TSC22D2: variants seen among roughly 807,000 people sequenced by gnomAD.
TSC22D2 encodes the protein TSC22 domain family protein 2.
A neutral mutation model predicts 50.1 loss-of-function variants in TSC22D2; 5 were observed. That is an observed-to-expected ratio of 0.10 (90% CI 0.05 to 0.21). The LOEUF (loss-of-function observed/expected upper bound fraction) is 0.21. TSC22D2 is among the 10% of genes least tolerant of loss of function. The pLI is 1.00. For missense variants in TSC22D2, 1,003 were observed against 1,015.5 expected, an observed-to-expected ratio of 0.99 and a Z score of 0.17; for synonymous variants, 501 against 450.1, an observed-to-expected ratio of 1.11 and a Z score of -1.43.
intron 1 of TSC22D2, among the ~76,000 whole-genome samples, chr3:150,435,194 T>C (rs949405192): frequency 6.6e-6 from 1 of 151,940 alleles, no homozygotes; most frequent in African/African-American, 2.4e-5. Flanking sequence ...GGTCAGGCTG[T>C]TCTTGAACTC....
chr3:150,420,564 A>G (rs765800839), intron 1 of TSC22D2, among the ~76,000 whole-genome samples: 1 of 152,236 alleles, frequency 6.6e-6, no homozygotes, highest in Non-Finnish European at 1.5e-5. Flanking sequence ...GTCCATTTAT[A>G]CAGTATTTTA....
At chr3:150,412,191 G>GT (rs1345461943) in intron 1 of TSC22D2, among the ~76,000 whole-genome samples, 27 of 152,200 alleles carry the variant, frequency 1.8e-4, no homozygotes, top group Admixed American at 1.6e-3. Flanking sequence ...GATTTTTGTG[G>GT]TTTTGAGGAG....
At chr3:150,420,122 C>G (rs1315565343) in intron 1 of TSC22D2, among the ~76,000 whole-genome samples, 1 of 152,166 alleles carries the variant, frequency 6.6e-6, no homozygotes, top group African/African-American at 2.4e-5. Context: ...TCCTTGGGCT[C>G]TTAATCTCCT....
intron 1 of TSC22D2, chr3:150,423,051 A>G: frequency 6.2e-7 from 1 of 1,612,796 alleles, no homozygotes; most frequent in African/African-American, 1.3e-5. Context: ...TCTCACAGGA[A>G]TCCTTCAACT....
intron 1 of TSC22D2, among the ~76,000 whole-genome samples, chr3:150,418,474 C>T (rs945777392): frequency 3.3e-5 from 5 of 151,850 alleles, no homozygotes; most frequent in African/African-American, 1.2e-4. Context: ...AATCGAAAGC[C>T]TCTCTGCTAC....
chr3:150,453,866 C>T (rs1721114464), intron 1 of TSC22D2, among the ~76,000 whole-genome samples: 1 of 152,160 alleles, frequency 6.6e-6, no homozygotes. Flanking sequence ...AGAGCTCAAT[C>T]TAATAGGATC....
intron 1 of TSC22D2, among the ~76,000 whole-genome samples, chr3:150,416,341 C>T (rs533607587): frequency 2.0e-5 from 3 of 150,812 alleles, no homozygotes; most frequent in African/African-American, 7.3e-5. Flanking sequence ...TCTGGTTAAA[C>T]ATAGCCTGAA....
intron 1 of TSC22D2, among the ~76,000 whole-genome samples, chr3:150,417,207 T>C (rs993590213): frequency 4.6e-5 from 7 of 152,178 alleles, no homozygotes; most frequent in Non-Finnish European, 8.8e-5. Flanking sequence ...AATGTGTCAA[T>C]TATTGTAAAT....
At position 150,466,036 on chromosome 3, in the gene TSC22D2, A is replaced by G. The variant is rs1293875328; in HGVS notation, c.*7400A>G. 2 of 152,214 alleles carry G rather than the reference A, an allele frequency of 1.3e-5. No individual in the cohort carries two copies. Among genetic ancestry groups the G allele is most frequent in the Non-Finnish European group, 2.9e-5 (2 of 68,030 alleles). The allele number at this position is 152,214 out of a possible 1,614,324, so 9.4% of individuals were successfully genotyped here. On this transcript the variant is annotated 3_prime_UTR_variant, in exon 3 of 3. Transcript: ENST00000688009. ...AAAATACTCATCAAGAGGATGGACT[A>G]TGGTACACATGATGAAGTATTAAGT... is the stretch of plus-strand genomic sequence containing the variant.
chr3:150,410,782 C>T lies in TSC22D2; in HGVS notation c.1432C>T (p.Pro478Ser), dbSNP rs748009434. 15 of 1,612,016 alleles carry T rather than the reference C, an allele frequency of 9.3e-6. No individual in the cohort carries two copies. The highest frequency in any genetic ancestry group is 8.9e-5 in the East Asian group (4 of 44,850). ...PCLGPAGAGQ[P>S]QSVPPPQMGG... ...CCTCGGTCCTGCCGGGGCTGGGCAG[C>T]CCCAGTCCGTGCCTCCGCCGCAGAT... The change falls in exon 1 of 3, where the codon CCC becomes TCC. Residue 478 changes from proline (P) to serine (S), a missense_variant. Physicochemically the swap from Pro to Ser is moderately conservative, Grantham distance 74. This residue lies in a region of TSC22D2 where 696 missense variants were observed against 647.8 expected (regional missense o/e 1.07). Transcript: ENST00000688009.
At chr3:150,415,244 A>G (rs1433486396) in intron 1 of TSC22D2, among the ~76,000 whole-genome samples, 1 of 152,188 alleles carries the variant, frequency 6.6e-6, no homozygotes, top group Non-Finnish European at 1.5e-5. Flanking sequence ...GGCCTTTTAT[A>G]TTCACAGTGA....
Position 150,410,301 on chromosome 3 carries a change from G to C in TSC22D2, c.951G>C (p.Ala317=), listed in dbSNP as rs748257377. 232 of 1,565,232 alleles carry C rather than the reference G, an allele frequency of 1.5e-4. No individual in the cohort carries two copies. Among genetic ancestry groups the C allele is most frequent in the Non-Finnish European group, 1.9e-4 (219 of 1,155,396 alleles). The change falls in exon 1 of 3, where the codon GCG becomes GCC. Residue 317 remains alanine (A), a synonymous_variant. Coordinates refer to ENST00000688009, the MANE Select transcript of TSC22D2 (RefSeq NM_001303264.2). ...CGCAGCCCAGCCAGCCCCAGGGAGCGGGGCCCGGGGGACAGACTCTGCCGC... is the reference window on the plus strand; with the variant it reads ...CGCAGCCCAGCCAGCCCCAGGGAGCCGGGCCCGGGGGACAGACTCTGCCGC... ...AAAQPSQPQG[A]GPGGQTLPPT...
intron 1 of TSC22D2, chr3:150,423,105 A>C: frequency 6.2e-7 from 1 of 1,612,746 alleles, no homozygotes; most frequent in African/African-American, 1.3e-5. Context: ...AAGGAATCAA[A>C]GAGCCTCTGG....
intron 1 of TSC22D2, among the ~76,000 whole-genome samples, chr3:150,415,903 G>C (rs543015581): frequency 6.6e-6 from 1 of 152,322 alleles, no homozygotes; most frequent in Non-Finnish European, 1.5e-5. Flanking sequence ...TCCTAATTAG[G>C]AATGGGAGTC....
chr3:150,432,527 C>T lies in TSC22D2; in HGVS notation c.1958+21219C>T, dbSNP rs549733521. Among the ~76,000 whole-genome samples, 40 of 149,266 alleles carry T rather than the reference C, an allele frequency of 2.7e-4. No homozygotes were observed. In the South Asian group the frequency reaches 3.6e-3, roughly 13 times the overall value. On this transcript the variant is annotated intron_variant, in intron 1 of 2. Coordinates refer to ENST00000688009, the MANE Select transcript of TSC22D2 (RefSeq NM_001303264.2). The stretch of plus-strand genomic sequence containing the variant: ...GTATGTTTGTACATGTGAACTAATT[C>T]GCCAAATTCGATGTATTTTTTTCTA...
chr3:150,446,288 A>G (rs533601880), intron 1 of TSC22D2, among the ~76,000 whole-genome samples: 3 of 152,170 alleles, frequency 2.0e-5, no homozygotes, highest in Non-Finnish European at 2.9e-5. Context: ...ATAAACTGAA[A>G]CGTAGACAAC....
At chr3:150,446,149 G>A (rs1451243502) in intron 1 of TSC22D2, among the ~76,000 whole-genome samples, 1 of 150,040 alleles carries the variant, frequency 6.7e-6, no homozygotes, top group Non-Finnish European at 1.5e-5. Context: ...ATGCTTTTAA[G>A]CCATTTTATT....
rs1241961789 is a variant in TSC22D2, at chr3:150,460,045, TAA to T, written c.*1410_*1411del. On this transcript the variant is annotated 3_prime_UTR_variant, in exon 3 of 3. Coordinates refer to ENST00000688009, the MANE Select transcript of TSC22D2 (RefSeq NM_001303264.2). ...CATCATTTTGTGTATACTAACACAT[TAA>T]GTGTATGTCAGAAATTGATGTATAA... 1 of 152,140 alleles carries T rather than the reference TAA, an allele frequency of 6.6e-6. No homozygotes were observed. The highest frequency in any genetic ancestry group is 2.4e-5 in the African/African-American group (1 of 41,448). The allele number at this position is 152,140 out of a possible 1,614,324, so 9.4% of individuals were successfully genotyped here. A position where few individuals can be genotyped will look rare whatever the true frequency, so the allele number is the denominator to read the frequency against.
Position 150,409,278 on chromosome 3 carries a change from G to C in TSC22D2, c.-73G>C, listed in dbSNP as rs1440193670. 1.3e-6 allele frequency: 2 copies of C among 1,496,996 alleles called. No homozygotes were observed. The highest frequency in any genetic ancestry group is 2.6e-5 in the South Asian group (2 of 78,314). 92.7% of individuals were successfully genotyped at this position (1,496,996 alleles called of 1,614,324 possible). On this transcript the variant is annotated 5_prime_UTR_variant, in exon 1 of 3. Transcript: ENST00000688009. This position sits in a 1 kb window ranked among gnomAD's most constrained non-coding sequence, Gnocchi z 7.4. ...TCGGACTTTGTCTTTGGGGGCCCGT[G>C]CTCTGCCCTCCCCGGTTTCCGACAG... is the stretch of plus-strand genomic sequence containing the variant.
Sources: allele counts gnomAD v4.1 joint callset (sites outside exome capture counted in the v4.1 genomes callset), GRCh38; gene constraint gnomAD v4.1.1; regional missense constraint gnomAD v4.1.1; non-coding constraint Gnocchi (gnomAD v3.1); transcripts MANE v1.5; gene names NCBI Gene and HGNC (gene_info 2026-07-23, HGNC 2026-07-21).